ARHGEF28: variants seen among roughly 807,000 people sequenced by gnomAD.
ARHGEF28 encodes 190 kDa guanine nucleotide exchange factor.
ARHGEF28 carries 152 observed loss-of-function variants against 206.6 expected under a neutral mutation model. The observed-to-expected ratio is 0.74, with a 90% CI of 0.64 to 0.84. ARHGEF28 has a LOEUF of 0.84. Ranked by LOEUF, ARHGEF28 falls within the 40% of genes least tolerant of loss-of-function variation. The pLI is 0.00. For missense variants in ARHGEF28, 2,028 were observed against 2,073.2 expected (o/e 0.98, Z 0.42); for synonymous variants, 763 against 776.4 (o/e 0.98, Z 0.29).
chr5:73,792,618 T>C (rs1466309202), intron 7 of ARHGEF28, among the ~76,000 whole-genome samples: 1 of 151,614 alleles, frequency 6.6e-6, no homozygotes, highest in East Asian at 1.9e-4. Context: ...CTGTTGAAAC[T>C]CTGGTCCAGG....
chr5:73,668,672 A>G (rs1478331437), intron 1 of ARHGEF28, among the ~76,000 whole-genome samples: 1 of 152,190 alleles, frequency 6.6e-6, no homozygotes, highest in Non-Finnish European at 1.5e-5. Flanking sequence ...TTATAGCCCT[A>G]TGAATAGGCT....
At chr5:73,731,445 A>G (rs1750617127) in intron 2 of ARHGEF28, among the ~76,000 whole-genome samples, 2 of 152,218 alleles carry the variant, frequency 1.3e-5, no homozygotes, top group African/African-American at 4.8e-5. Context: ...TATGTAATAC[A>G]TAGTGGCCAT....
intron 4 of ARHGEF28, among the ~76,000 whole-genome samples, chr5:73,765,197 A>G (rs1228865831): frequency 6.6e-6 from 1 of 152,228 alleles, no homozygotes; most frequent in African/African-American, 2.4e-5. Flanking sequence ...GTAGTTCATC[A>G]CATAGTGATT....
intron 1 of ARHGEF28, among the ~76,000 whole-genome samples, chr5:73,633,839 C>T (rs1050397403): frequency 1.3e-5 from 2 of 151,940 alleles, no homozygotes; most frequent in African/African-American, 2.4e-5. Flanking sequence ...GGCCTCCCAA[C>T]GTGCTGGGGT....
At chr5:73,626,988 G>C (rs1743052626) in intron 1 of ARHGEF28, 1 of 152,226 alleles carries the variant, frequency 6.6e-6, no homozygotes, top group Non-Finnish European at 1.5e-5. Flanking sequence ...ATGACAGGCC[G>C]GTGTTTGGCC....
chr5:73,930,133 C>T (rs1021769757), intron 35 of ARHGEF28, among the ~76,000 whole-genome samples: 2 of 152,106 alleles, frequency 1.3e-5, no homozygotes, highest in African/African-American at 2.4e-5. Flanking sequence ...TCAAGTATAA[C>T]ACCTAGAAGT....
intron 1 of ARHGEF28, among the ~76,000 whole-genome samples, chr5:73,673,647 T>A (rs865912541): frequency 8.5e-5 from 13 of 152,248 alleles, no homozygotes; most frequent in Middle Eastern, 6.8e-3. Flanking sequence ...AAATAAATAT[T>A]CAAAGTCTTA....
chr5:73,812,209 C>G (rs369410508), intron 9 of ARHGEF28, among the ~76,000 whole-genome samples: 1 of 152,132 alleles, frequency 6.6e-6, no homozygotes, highest in Admixed American at 6.5e-5. Flanking sequence ...TCACTCAACC[C>G]CTACCCAATC....
At chr5:73,788,932 G>T (rs1754309940) in intron 7 of ARHGEF28, among the ~76,000 whole-genome samples, 1 of 152,080 alleles carries the variant, frequency 6.6e-6, no homozygotes, top group Non-Finnish European at 1.5e-5. Context: ...GGGCAGGGGT[G>T]GGGGTTCAGG....
chr5:73,807,162 T>A (rs944123450), intron 9 of ARHGEF28, among the ~76,000 whole-genome samples: 5 of 152,004 alleles, frequency 3.3e-5, no homozygotes, highest in Admixed American at 6.6e-5. Flanking sequence ...TACCAGGAAC[T>A]TCCCTATCCC....
chr5:73,901,401 CAATT>C (rs1324579297), intron 31 of ARHGEF28, 117 bp downstream of exon 31: 5 of 737,206 alleles, frequency 6.8e-6, no homozygotes, highest in African/African-American at 1.8e-5. Flanking sequence ...GAATTGTTCT[CAATT>C]GATTTAAATA....
At chr5:73,872,434 C>T (rs146513035) in intron 21 of ARHGEF28, among the ~76,000 whole-genome samples, 90 of 151,748 alleles carry the variant, frequency 5.9e-4, no homozygotes, top group Middle Eastern at 3.4e-3. Flanking sequence ...CCATTCTGTG[C>T]GTTTTCTTTT....
chr5:73,753,764 A>G lies in ARHGEF28; in HGVS notation c.475+562A>G, dbSNP rs111326875. ...TTGGAATCTGCGTGTGAACAAGGCT[A>G]TAGATGTTATATATAGGCCCTTACT... On this transcript the variant is annotated intron_variant, in intron 4 of 35. Transcript: ENST00000513042. Among the ~76,000 whole-genome samples, 182 of 152,358 alleles carry G rather than the reference A, an allele frequency of 1.2e-3. 2 individuals are homozygous for G. The highest frequency in any genetic ancestry group is 4.2e-3 in the African/African-American group (176 of 41,596).
intron 1 of ARHGEF28, among the ~76,000 whole-genome samples, chr5:73,675,872 GCAA>G (rs1746638157): frequency 9.7e-6 from 1 of 102,582 alleles, no homozygotes; most frequent in African/African-American, 3.0e-5. Context: ...GTAGTCTTAT[GCAA>G]TTTTCTAACT....
chr5:73,741,828 T>G (rs1160336299), intron 2 of ARHGEF28, among the ~76,000 whole-genome samples: 1 of 152,184 alleles, frequency 6.6e-6, no homozygotes, highest in African/African-American at 2.4e-5. Flanking sequence ...TTTCTTTGGG[T>G]AAGTTATTTT....
chr5:73,758,648 C>A lies in ARHGEF28; in HGVS notation c.475+5446C>A, dbSNP rs535557490. On this transcript the variant is annotated intron_variant, in intron 4 of 35. Coordinates refer to ENST00000513042, the MANE Select transcript of ARHGEF28 (RefSeq NM_001177693.2). ...TTGGTTCACTGTGACCTCTGCCTCCCGGATTCAAATGATTCTCCTGCCTCA... is the reference window on the plus strand; with the variant it reads ...TTGGTTCACTGTGACCTCTGCCTCCAGGATTCAAATGATTCTCCTGCCTCA... 6.6e-5 allele frequency among the ~76,000 whole-genome samples: 10 copies of A among 152,154 alleles called. No individual in the cohort carries two copies. The South Asian group carries it at 2.1e-3, about 32-fold the overall frequency.
chr5:73,789,510 C>A (rs1291163366), intron 7 of ARHGEF28, among the ~76,000 whole-genome samples: 1 of 151,724 alleles, frequency 6.6e-6, no homozygotes, highest in Non-Finnish European at 1.5e-5. Context: ...TTGCAGAACT[C>A]AATATACTAA....
At chr5:73,807,933 T>G (rs1440949061) in intron 9 of ARHGEF28, among the ~76,000 whole-genome samples, 1 of 152,102 alleles carries the variant, frequency 6.6e-6, no homozygotes, top group African/African-American at 2.4e-5. Context: ...TCTTATTATA[T>G]GTAGACACAT....
At chr5:73,721,578 A>T (rs1174637346) in intron 2 of ARHGEF28, among the ~76,000 whole-genome samples, 2 of 149,730 alleles carry the variant, frequency 1.3e-5, no homozygotes. Flanking sequence ...GGCTAGCTGA[A>T]TTTTTTTTTT....
Sources: allele counts gnomAD v4.1 joint callset (sites outside exome capture counted in the v4.1 genomes callset), GRCh38; gene constraint gnomAD v4.1.1; transcripts MANE v1.5; gene names NCBI Gene and HGNC (gene_info 2026-07-23, HGNC 2026-07-21).